DZIP1L: variants seen among roughly 807,000 people sequenced by gnomAD.
The protein encoded by DZIP1L is cilium assembly protein DZIP1L.
DZIP1L carries 90 observed loss-of-function variants against 88.7 expected under a neutral mutation model. The observed-to-expected ratio is 1.02, with a 90% confidence interval of 0.86 to 1.21. DZIP1L has a LOEUF of 1.21. Among genes scored for constraint, DZIP1L ranks in the 50% most tolerant of loss-of-function variants. DZIP1L has a pLI of 0.00. For missense variants in DZIP1L, 932 were observed against 955.8 expected, an observed-to-expected ratio of 0.98 and a Z score of 0.33; for synonymous variants, 363 against 372.1, an observed-to-expected ratio of 0.98 and a Z score of 0.28.
chr3:138,068,862 A>G, intron 12 of DZIP1L: 1 of 1,200,284 alleles, frequency 8.3e-7, no homozygotes, highest in Non-Finnish European at 1.0e-6. Flanking sequence ...AATTGGACAC[A>G]GCCCCTCTGT....
intron 4 of DZIP1L, among the ~76,000 whole-genome samples, chr3:138,093,189 T>C (rs1559849999): frequency 6.6e-6 from 1 of 152,266 alleles, no homozygotes; most frequent in Admixed American, 6.5e-5. Flanking sequence ...GAATGGATAT[T>C]GTGTTAACAG....
At chr3:138,070,676 C>CA (rs1312992272) in intron 12 of DZIP1L, among the ~76,000 whole-genome samples, 1 of 152,192 alleles carries the variant, frequency 6.6e-6, no homozygotes, top group African/African-American at 2.4e-5. Context: ...CTCATATCCT[C>CA]AGAGATACGT....
In DZIP1L at chr3:138,071,699, G is replaced by A. The variant is rs1248516032; in HGVS notation, c.1559C>T (p.Ala520Val). 22 of 1,614,072 alleles carry A rather than the reference G, an allele frequency of 1.4e-5. No individual in the cohort carries two copies. Among genetic ancestry groups the A allele is most frequent in the Admixed American group, 8.3e-5 (5 of 60,008 alleles). The change falls in exon 12 of 16, where the codon GCG becomes GTG. Residue 520 changes from alanine to valine, a missense_variant. Transcript: ENST00000327532. ...GKLVKEVTSR[A>V]KERQENGAVV... The stretch of plus-strand genomic sequence containing the variant: ...AGCGCCATTCTCCTGTCTCTCCTTC[G>A]CTCTGCTGGTGACTTCCTTGACAAG...
At chr3:138,078,921 G>C (rs1276273100) in intron 10 of DZIP1L, among the ~76,000 whole-genome samples, 2 of 152,188 alleles carry the variant, frequency 1.3e-5, no homozygotes, top group Admixed American at 1.3e-4. Context: ...GATTCTTAAT[G>C]TTTAGCCAGT....
intron 5 of DZIP1L, among the ~76,000 whole-genome samples, chr3:138,091,525 C>T (rs1408542150): frequency 6.7e-6 from 1 of 149,732 alleles, no homozygotes; most frequent in Non-Finnish European, 1.5e-5. Flanking sequence ...GGCTGAGGCA[C>T]GAGAATCACT....
chr3:138,104,647 G>T (rs2042425817), intron 1 of DZIP1L, among the ~76,000 whole-genome samples: 1 of 152,166 alleles, frequency 6.6e-6, no homozygotes, highest in African/African-American at 2.4e-5. Context: ...GTGATCATAT[G>T]ACTAAGTTCT....
In DZIP1L at chr3:138,071,817, T is replaced by C. The variant is rs202011537; in HGVS notation, c.1441A>G (p.Ile481Val). Residue 481 changes from isoleucine (I) to valine (V), a missense_variant, in exon 12 of 16, where the codon ATT becomes GTT. Ile to Val is a conservative substitution (Grantham distance 29, BLOSUM62 3). Coordinates refer to ENST00000327532, the MANE Select transcript of DZIP1L (RefSeq NM_173543.3). ...GIRKDAKGIS[I>V]QTLRHLESLL... ...GATTCCAGGTGTCTGAGAGTCTGAA[T>C]CGAGATTCCCTTTGCATCCTAGAGG... 6.2e-7 allele frequency: 1 copy of C among 1,613,662 alleles called. No individual in the cohort carries two copies. Among genetic ancestry groups the C allele is most frequent in the Non-Finnish European group, 8.5e-7 (1 of 1,179,836 alleles).
intron 11 of DZIP1L, among the ~76,000 whole-genome samples, chr3:138,073,084 G>T (rs1030726480): frequency 3.3e-5 from 5 of 152,042 alleles, no homozygotes; most frequent in African/African-American, 1.2e-4. Context: ...TCCTGCACCC[G>T]CCCTGGTAGC....
chr3:138,098,254 G>C (rs1281644924), intron 2 of DZIP1L, among the ~76,000 whole-genome samples: 1 of 152,208 alleles, frequency 6.6e-6, no homozygotes, highest in Non-Finnish European at 1.5e-5. Flanking sequence ...GGCAGGGGAA[G>C]AGATGCAACA....
chr3:138,069,721 A>C (rs1943088588), intron 12 of DZIP1L, among the ~76,000 whole-genome samples: 1 of 152,216 alleles, frequency 6.6e-6, no homozygotes. Context: ...AAAGTGGTGA[A>C]TACAAACCCA....
At chr3:138,070,576 CTA>C (rs1170109466) in intron 12 of DZIP1L, among the ~76,000 whole-genome samples, 4 of 152,020 alleles carry the variant, frequency 2.6e-5, no homozygotes, top group South Asian at 2.1e-4. Context: ...CACAGGATTG[CTA>C]TGTTAGTCTT....
rs1235791450 is a variant in DZIP1L, at chr3:138,062,185, C to T, written c.*631G>A. 6.6e-6 allele frequency: 1 copy of T among 152,494 alleles called. No individual in the cohort carries two copies. The allele number at this position is 152,494 out of a possible 1,614,324, so 9.4% of individuals were successfully genotyped here. On this transcript the variant is annotated 3_prime_UTR_variant, in exon 16 of 16. Coordinates refer to ENST00000327532, the MANE Select transcript of DZIP1L (RefSeq NM_173543.3). Reference sequence around the variant, plus strand: ...ACCCATGAGTAGGCCTGCCACATATCACAACCCTGGGAAACTCTCCAGGAT... The same window carrying T: ...ACCCATGAGTAGGCCTGCCACATATTACAACCCTGGGAAACTCTCCAGGAT...
At chr3:138,082,169 G>A (rs543848337) in intron 8 of DZIP1L, among the ~76,000 whole-genome samples, 6 of 152,322 alleles carry the variant, frequency 3.9e-5, no homozygotes, top group East Asian at 3.9e-4. Flanking sequence ...TGGGAGGAAG[G>A]AGTCAGACAC....
At chr3:138,100,104 G>A (rs1017238023) in intron 2 of DZIP1L, among the ~76,000 whole-genome samples, 19 of 152,106 alleles carry the variant, frequency 1.2e-4, no homozygotes, top group Admixed American at 1.1e-3. Context: ...CAGGATGGGG[G>A]TTGGTCACCA....
intron 14 of DZIP1L, among the ~76,000 whole-genome samples, chr3:138,065,844 C>T (rs1424170401): frequency 6.6e-6 from 1 of 152,236 alleles, no homozygotes; most frequent in Non-Finnish European, 1.5e-5. Context: ...CTACAGGCCT[C>T]AGTTGGCAGT....
In DZIP1L at chr3:138,103,952, G is replaced by A. The variant is rs2042404103; in HGVS notation, c.20C>T (p.Thr7Ile). Residue 7 changes from threonine to isoleucine, a missense_variant, in exon 2 of 16, where the codon ACT becomes ATT. By Grantham distance (89) the Thr-to-Ile change is moderately conservative. Transcript: ENST00000327532. MQSPAATAEGLSGPLFG... is the reference protein window; with the variant it reads MQSPAAIAEGLSGPLFG... ...GAGGGGGCCACTGAGGCCCTCAGCA[G>A]TGGCAGCTGGGGACTGCATGGGCAG... 3 of 1,612,248 alleles carry A rather than the reference G, an allele frequency of 1.9e-6. No individual in the cohort carries two copies. The highest frequency in any genetic ancestry group is 2.2e-5 in the East Asian group (1 of 44,884).
chr3:138,115,055 C>A (rs1252473188), intron 1 of DZIP1L, among the ~76,000 whole-genome samples: 1 of 152,194 alleles, frequency 6.6e-6, no homozygotes, highest in African/African-American at 2.4e-5. Context: ...ATTCGTCCCC[C>A]GCGCACGGGT....
intron 3 of DZIP1L, among the ~76,000 whole-genome samples, chr3:138,096,313 T>C (rs1025519503): frequency 6.6e-6 from 1 of 152,154 alleles, no homozygotes; most frequent in African/African-American, 2.4e-5. Context: ...AAGATCTACA[T>C]GCAAGAATAT....
At chr3:138,102,486 GA>G in intron 2 of DZIP1L, 1 of 1,369,340 alleles carries the variant, frequency 7.3e-7, no homozygotes, top group Non-Finnish European at 1.0e-6. Context: ...TAAGGTTGTT[GA>G]TGTAGCTCTG....
Sources: gnomAD v4.1 joint callset for allele counts (sites outside exome capture counted in the v4.1 genomes callset) on GRCh38, gnomAD v4.1.1 for gene constraint, MANE v1.5 for transcripts, NCBI Gene and HGNC (gene_info 2026-07-23, HGNC 2026-07-21) for gene names.